Variants in ZNF592 observed in about 807,000 individuals in gnomAD.
ZNF592 encodes the protein spinocerebellar ataxia, autosomal recessive 5.
Under a neutral mutation model 80.3 loss-of-function variants are expected in ZNF592, and 11 were observed. That is an observed-to-expected ratio of 0.14 (90% confidence interval 0.09 to 0.23). The LOEUF (loss-of-function observed/expected upper bound fraction) is 0.23. Ranked by LOEUF, ZNF592 falls within the 10% of genes least tolerant of loss-of-function variation. The probability of loss-of-function intolerance (pLI) is 1.00; values close to 1 mark genes in which losing one functional copy is unlikely to be tolerated. For missense variants in ZNF592, 1,420 were observed against 1,633.9 expected (o/e 0.87, Z 2.26); for synonymous variants, 646 against 640.3 (o/e 1.01, Z -0.13).
intron 5 of ZNF592, among the ~76,000 whole-genome samples, chr15:84,791,137 A>AT (rs1482131432): frequency 3.9e-5 from 6 of 152,238 alleles, no homozygotes; most frequent in Non-Finnish European, 8.8e-5. Context: ...GATTAGACAT[A>AT]TAATACTTTG....
intron 2 of ZNF592, among the ~76,000 whole-genome samples, chr15:84,770,666 G>A (rs928367208): frequency 3.3e-5 from 5 of 152,042 alleles, no homozygotes; most frequent in Admixed American, 1.3e-4. Context: ...GGACTAGACC[G>A]GTGCAGTGGA....
intron 4 of ZNF592, among the ~76,000 whole-genome samples, chr15:84,790,287 A>G (rs868602725): frequency 5.9e-5 from 9 of 152,062 alleles, no homozygotes; most frequent in East Asian, 5.8e-4. Flanking sequence ...TACCAGGCCA[A>G]TGTTGGGGGT....
intron 2 of ZNF592, among the ~76,000 whole-genome samples, chr15:84,771,357 G>T: frequency 6.6e-6 from 1 of 152,132 alleles, no homozygotes; most frequent in East Asian, 1.9e-4. Flanking sequence ...TGGGGATGAG[G>T]AGTTCTTAGG....
rs1276572837 is a variant in ZNF592, at chr15:84,784,161, G to A, written c.1486G>A (p.Ala496Thr). 1 of 1,614,150 alleles carries A rather than the reference G, an allele frequency of 6.2e-7. No individual in the cohort carries two copies. The highest frequency in any genetic ancestry group is 8.5e-7 in the Non-Finnish European group (1 of 1,180,038). Residue 496 changes from alanine to threonine, a missense_variant, in exon 4 of 11, where the codon GCC (alanine) becomes ACC (threonine). Coordinates refer to ENST00000560079, the MANE Select transcript of ZNF592 (RefSeq NM_014630.3). This position sits in a 1 kb window ranked among gnomAD's most constrained non-coding sequence, Gnocchi z 5.8. ...TALQASTLAP[A>T]NLLPKAVHLA... ...ACTGCAGGCATCCACCCTGGCCCCT[G>A]CCAACCTCCTGCCCAAAGCCGTGCA... is the stretch of plus-strand genomic sequence containing the variant.
At chr15:84,775,001 G>C (rs552863933) in intron 2 of ZNF592, among the ~76,000 whole-genome samples, 9 of 152,156 alleles carry the variant, frequency 5.9e-5, no homozygotes, top group Admixed American at 3.3e-4. Flanking sequence ...GGCTGGTCTT[G>C]AACTCCTGAC....
rs1963042019 is a variant in ZNF592, at chr15:84,799,901, G to A, written c.3197G>A (p.Ser1066Asn). ...PRPSLLESHI[S>N]LMHGIRNPDL... The stretch of plus-strand genomic sequence containing the variant: ...CCCTCCCTTCTGGAGAGCCACATCA[G>A]CCTTATGCATGGCATCAGAAACCCT... Residue 1066 changes from serine (S) to asparagine (N), a missense_variant, in exon 10 of 11, where the codon AGC becomes AAC. By Grantham distance (46) the Ser-to-Asn change is conservative. This residue lies in a region of ZNF592 where 331 missense variants were observed against 347.0 expected (regional missense o/e 0.95). Transcript: ENST00000560079. This position sits in a 1 kb window ranked among gnomAD's most constrained non-coding sequence, Gnocchi z 4.2. 2.5e-6 allele frequency: 4 copies of A among 1,614,210 alleles called. No homozygotes were observed. The highest frequency in any genetic ancestry group is 2.7e-5 in the African/African-American group (2 of 75,052).
chr15:84,751,841 G>C (rs1435109695), intron 1 of ZNF592, among the ~76,000 whole-genome samples: 1 of 152,100 alleles, frequency 6.6e-6, no homozygotes. Flanking sequence ...GGAGGTGAAG[G>C]TTGCAGTGAG....
intron 2 of ZNF592, among the ~76,000 whole-genome samples, chr15:84,774,168 T>C (rs1962174882): frequency 6.6e-6 from 1 of 152,248 alleles, no homozygotes; most frequent in South Asian, 2.1e-4. Context: ...TGCAGCCTCA[T>C]GAGAACCTGT....
chr15:84,789,993 C>T (rs1334491080), intron 4 of ZNF592, among the ~76,000 whole-genome samples: 2 of 152,210 alleles, frequency 1.3e-5, no homozygotes, highest in African/African-American at 2.4e-5. Flanking sequence ...CCCTGGTTTT[C>T]TCCTGGGGCT....
chr15:84,783,322 A>G lies in ZNF592; in HGVS notation c.647A>G (p.Gln216Arg). ...KPEPLPLGSQ[Q>R]EHEQSGQNTV... ...GAACCCCTGCCCTTGGGGAGCCAGCAGGAACACGAGCAAAGTGGGCAGAAC... is the reference window on the plus strand; with the variant it reads ...GAACCCCTGCCCTTGGGGAGCCAGCGGGAACACGAGCAAAGTGGGCAGAAC... The change falls in exon 4 of 11, where the codon CAG becomes CGG. Residue 216 changes from glutamine to arginine, a missense_variant. This residue lies in a region of ZNF592 where 373 missense variants were observed against 355.5 expected (regional missense o/e 1.05). Transcript: ENST00000560079. This position sits in a 1 kb window ranked among gnomAD's most constrained non-coding sequence, Gnocchi z 5.0. 1.2e-6 allele frequency: 2 copies of G among 1,614,260 alleles called. No homozygotes were observed. Among genetic ancestry groups the G allele is most frequent in the Non-Finnish European group, 1.7e-6 (2 of 1,180,038 alleles).
chr15:84,797,810 C>T lies in ZNF592; in HGVS notation c.2400-59C>T, dbSNP rs1182526558. The T allele has an allele frequency of 2.3e-5, 36 of 1,594,502 alleles. No homozygotes were observed. The South Asian group carries it at 4.0e-4, about 18-fold the overall frequency. On this transcript the variant is annotated intron_variant, in intron 5 of 10. Coordinates refer to ENST00000560079, the MANE Select transcript of ZNF592 (RefSeq NM_014630.3). ...TCCATCCCTCCTCTTGCAGCACCAC[C>T]TCTGGGTCCAGTACTCCCTATACTC... is the stretch of plus-strand genomic sequence containing the variant.
At chr15:84,777,182 T>A (rs996850655) in intron 2 of ZNF592, among the ~76,000 whole-genome samples, 2 of 150,684 alleles carry the variant, frequency 1.3e-5, no homozygotes, top group Non-Finnish European at 3.0e-5. Context: ...TTTTTACATT[T>A]AAAAAAAAGA....
rs746776516 is a variant in ZNF592, at chr15:84,782,861, T to A, written c.186T>A (p.Asp62Glu). 10 of 1,614,132 alleles carry A rather than the reference T, an allele frequency of 6.2e-6. No homozygotes were observed. The South Asian group carries it at 1.1e-4, about 18-fold the overall frequency. The change falls in exon 4 of 11, where the codon GAT (aspartate) becomes GAA (glutamate). Residue 62 changes from aspartate (D) to glutamate (E), a missense_variant. This residue lies in a region of ZNF592 where 373 missense variants were observed against 355.5 expected (regional missense o/e 1.05). Coordinates refer to ENST00000560079, the MANE Select transcript of ZNF592 (RefSeq NM_014630.3). ...TGTCTCACTCAGGATCAGCCCCCGA[T>A]GTGCCGGCCGTGAGTGTCATTGTCA... ...VSLSHSGSAP[D>E]VPAVSVIVKN...
At chr15:84,766,937 T>C (rs1339866688) in intron 2 of ZNF592, among the ~76,000 whole-genome samples, 1 of 152,084 alleles carries the variant, frequency 6.6e-6, no homozygotes, top group Non-Finnish European at 1.5e-5. Flanking sequence ...TAGATAAGAC[T>C]GGTGGCACCC....
At chr15:84,748,837 G>A (rs1477057070) in intron 1 of ZNF592, among the ~76,000 whole-genome samples, 173 bp downstream of exon 1, 2 of 147,066 alleles carry the variant, frequency 1.4e-5, no homozygotes, top group East Asian at 4.0e-4. Flanking sequence ...CCCGACCGCC[G>A]CCTGGCGGGC....
At position 84,773,029 on chromosome 15, in the gene ZNF592, T is replaced by C. The variant is rs191291829; in HGVS notation, c.-149-5154T>C. Among the ~76,000 whole-genome samples, 58 of 152,258 alleles carry C rather than the reference T, an allele frequency of 3.8e-4. No homozygotes were observed. In the South Asian group the frequency reaches 8.3e-3, roughly 22 times the overall value. ...TATGCAGGGGGGAAAACCTCATGGGTTCAGTGTTAAGTCCTTGTTCTTAGT... is the reference window on the plus strand; with the variant it reads ...TATGCAGGGGGGAAAACCTCATGGGCTCAGTGTTAAGTCCTTGTTCTTAGT... On this transcript the variant is annotated intron_variant, in intron 2 of 10. Transcript: ENST00000560079.
intron 1 of ZNF592, among the ~76,000 whole-genome samples, chr15:84,751,380 G>T (rs1215542026): frequency 1.3e-5 from 2 of 152,322 alleles, no homozygotes; most frequent in East Asian, 1.9e-4. Flanking sequence ...AGAGCCCACT[G>T]GCTCTGGAGC....
In ZNF592 at chr15:84,796,282, TATATATATATATAA is replaced by T. The variant is rs1567076394; in HGVS notation, c.2400-1585_2400-1572del. On this transcript the variant is annotated intron_variant, in intron 5 of 10. Transcript: ENST00000560079. ...TATATATATTTTATATATATATATA[TATATATATATATAA>T]AAAAACGAAGGGTAACATTCAGGAG... 4.4e-3 allele frequency among the ~76,000 whole-genome samples: 229 copies of T among 52,236 alleles called. 11 individuals carry two copies. The highest frequency in any genetic ancestry group is 0.014 in the African/African-American group (122 of 9,012). The allele number at this position is 52,236 out of a possible 152,430, so 34.3% of individuals were successfully genotyped here.
At chr15:84,751,675 C>T (rs931378624) in intron 1 of ZNF592, among the ~76,000 whole-genome samples, 9 of 151,116 alleles carry the variant, frequency 6.0e-5, no homozygotes, top group Non-Finnish European at 1.2e-4. Context: ...GACACTGAGG[C>T]GGGTGGATCA....
Sources: allele counts gnomAD v4.1 joint callset (sites outside exome capture counted in the v4.1 genomes callset), GRCh38; gene constraint gnomAD v4.1.1; regional missense constraint gnomAD v4.1.1; non-coding constraint Gnocchi (gnomAD v3.1); transcripts MANE v1.5; gene names NCBI Gene and HGNC (gene_info 2026-07-23, HGNC 2026-07-21).